Variants in SVOPL observed in about 807,000 individuals in gnomAD.
The protein encoded by SVOPL is putative transporter SVOPL.
Under a neutral mutation model 61.0 loss-of-function variants are expected in SVOPL, and 60 were observed. That is an observed-to-expected ratio of 0.98 (90% CI 0.80 to 1.22). The LOEUF (loss-of-function observed/expected upper bound fraction) is 1.22, where lower values mean the gene tolerates loss of function less well. SVOPL is among the 50% of genes most tolerant of loss of function. The probability of loss-of-function intolerance (pLI) is 0.00; values close to 1 mark genes in which losing one functional copy is unlikely to be tolerated. For synonymous variants in SVOPL, 279 were observed against 250.0 expected (o/e 1.12, Z -1.09); for missense variants, 662 against 643.9 (o/e 1.03, Z -0.30).
intron 13 of SVOPL, among the ~76,000 whole-genome samples, chr7:138,621,822 GTATCTATGTATCTATC>G (rs1799581815): frequency 5.2e-4 from 7 of 13,430 alleles, no homozygotes; most frequent in East Asian, 4.6e-3. Context: ...ATGTATCTAT[GTATCTATGTATCTATC>G]TATCTATGTA....
chr7:138,684,520 A>C lies in SVOPL; in HGVS notation c.-34-5441T>G, dbSNP rs963623829. Among the ~76,000 whole-genome samples the C allele has an allele frequency of 2.1e-4, 32 of 152,256 alleles. 3 individuals carry two copies. On this transcript the variant is annotated intron_variant, in intron 1 of 15. Coordinates refer to ENST00000674285, the MANE Select transcript of SVOPL (RefSeq NM_001139456.2). ...CAAATGGCCAATGAAAAGGTGCAGG[A>C]CATCACTAATCCTCAGAAAAATGCA...
intron 10 of SVOPL, 97 bp downstream of exon 10, chr7:138,629,952 T>G: frequency 1.1e-6 from 1 of 924,972 alleles, no homozygotes; most frequent in Non-Finnish European, 1.7e-6. Context: ...GTTAGTCTTA[T>G]GTTTTTCTCC....
chr7:138,686,016 T>A (rs936162529), intron 1 of SVOPL, among the ~76,000 whole-genome samples: 6 of 152,124 alleles, frequency 3.9e-5, no homozygotes, highest in African/African-American at 1.4e-4. Context: ...TATGTACCAG[T>A]TTTTATGTCA....
intron 14 of SVOPL, among the ~76,000 whole-genome samples, chr7:138,610,257 C>G (rs1798939405): frequency 6.6e-6 from 1 of 151,876 alleles, no homozygotes; most frequent in Non-Finnish European, 1.5e-5. Context: ...TCTCCCCTCC[C>G]TCTCCTCTGT....
At chr7:138,699,675 G>A (rs57691087) in intron 1 of SVOPL, among the ~76,000 whole-genome samples, 11,226 of 152,206 alleles carry the variant, frequency 0.074, 755 homozygotes, top group African/African-American at 0.17. Context: ...TATTTTAGAG[G>A]AAGAAGAAGC....
intron 11 of SVOPL, 97 bp from the exon 12 acceptor site, chr7:138,627,558 A>C: frequency 6.8e-6 from 6 of 886,386 alleles, no homozygotes; most frequent in Non-Finnish European, 1.1e-5. Context: ...TTCAGAAAGA[A>C]GCAACTTCAT....
chr7:138,671,941 T>C (rs1039751335), intron 4 of SVOPL, 78 bp downstream of exon 4: 21 of 1,350,128 alleles, frequency 1.6e-5, no homozygotes, highest in Non-Finnish European at 2.2e-5. Context: ...ACCCTTTGGC[T>C]CTCAGCCCTG....
At chr7:138,675,289 C>T (rs1293232104) in intron 3 of SVOPL, among the ~76,000 whole-genome samples, 1 of 152,074 alleles carries the variant, frequency 6.6e-6, no homozygotes, top group Non-Finnish European at 1.5e-5. Flanking sequence ...CCTGAGAATG[C>T]AACACTTTTG....
At chr7:138,649,761 A>G (rs1241227129) in intron 7 of SVOPL, among the ~76,000 whole-genome samples, 1 of 152,192 alleles carries the variant, frequency 6.6e-6, no homozygotes, top group Non-Finnish European at 1.5e-5. Flanking sequence ...GCCAGTAACA[A>G]GGCTACTGCA....
At chr7:138,599,293 G>A (rs1040540333) in intron 14 of SVOPL, among the ~76,000 whole-genome samples, 1 of 152,118 alleles carries the variant, frequency 6.6e-6, no homozygotes, top group Admixed American at 6.6e-5. Context: ...TGAAAATGTG[G>A]GGGTATAGGG....
intron 5 of SVOPL, chr7:138,662,832 T>C: frequency 7.3e-7 from 1 of 1,361,264 alleles, no homozygotes; most frequent in Non-Finnish European, 9.5e-7. Flanking sequence ...CTTAGAACTC[T>C]ATAATACCCG....
intron 9 of SVOPL, among the ~76,000 whole-genome samples, chr7:138,638,014 C>T (rs948820403): frequency 4.6e-5 from 7 of 152,034 alleles, no homozygotes; most frequent in African/African-American, 1.7e-4. Context: ...TGGCTCACAC[C>T]TGTAATCTCA....
intron 8 of SVOPL, among the ~76,000 whole-genome samples, chr7:138,648,213 G>A (rs1045912742): frequency 2.6e-5 from 4 of 152,058 alleles, no homozygotes; most frequent in African/African-American, 4.8e-5. Context: ...AAAACAGGAC[G>A]GAGCCGTCAG....
At chr7:138,647,556 T>C (rs1801179886) in intron 8 of SVOPL, among the ~76,000 whole-genome samples, 3 of 150,870 alleles carry the variant, frequency 2.0e-5, no homozygotes, top group South Asian at 4.2e-4. Context: ...ATCTATAAAG[T>C]AGTCACATGT....
chr7:138,631,685 C>T (rs1243203201), intron 9 of SVOPL, among the ~76,000 whole-genome samples: 3 of 152,124 alleles, frequency 2.0e-5, no homozygotes, highest in African/African-American at 7.2e-5. Context: ...CCTTGTGCTT[C>T]GGCTTCCCGA....
intron 14 of SVOPL, among the ~76,000 whole-genome samples, chr7:138,602,478 TAG>T (rs1798571876): frequency 6.9e-6 from 1 of 144,616 alleles, no homozygotes; most frequent in African/African-American, 2.5e-5. Context: ...TATATATATG[TAG>T]ATGTGTGTGT....
chr7:138,635,145 G>A (rs974296504), intron 9 of SVOPL, among the ~76,000 whole-genome samples: 4 of 151,986 alleles, frequency 2.6e-5, no homozygotes, highest in South Asian at 2.1e-4. Flanking sequence ...GGTGGCACAT[G>A]CCTATAATCC....
intron 7 of SVOPL, 64 bp downstream of exon 7, chr7:138,656,384 T>G: frequency 6.7e-7 from 1 of 1,494,302 alleles, no homozygotes; most frequent in Non-Finnish European, 9.3e-7. Flanking sequence ...TTCCAAGGTA[T>G]GCCTATATGT....
At position 138,672,656 on chromosome 7, in the gene SVOPL, T is replaced by TTAAAAA. The variant is rs35924408; in HGVS notation, c.175-540_175-539insTTTTTA. ...GCAGGAAAGTGTTTTTTTTTGTGTT[T>TTAAAAA]AAAAAAAAAAAAAAAAAAAGAAGCA... On this transcript the variant is annotated intron_variant, in intron 3 of 15. Coordinates refer to ENST00000674285, the MANE Select transcript of SVOPL (RefSeq NM_001139456.2). Among the ~76,000 whole-genome samples the TTAAAAA allele has an allele frequency of 6.0e-3, 708 of 118,788 alleles. 13 individuals are homozygous for TTAAAAA. Among genetic ancestry groups the TTAAAAA allele is most frequent in the African/African-American group, 0.023 (678 of 29,998 alleles). The allele number at this position is 118,788 out of a possible 152,430, so 77.9% of individuals were successfully genotyped here.
Sources: allele counts gnomAD v4.1 joint callset (sites outside exome capture counted in the v4.1 genomes callset), GRCh38; gene constraint gnomAD v4.1.1; transcripts MANE v1.5; gene names NCBI Gene and HGNC (gene_info 2026-07-23, HGNC 2026-07-21).